ARHGAP40: variants seen among roughly 807,000 people sequenced by gnomAD.
The protein encoded by ARHGAP40 is rho GTPase-activating protein 40.
ARHGAP40 carries 43 observed loss-of-function variants against 73.5 expected under a neutral mutation model. The ratio of observed to expected loss-of-function variants is 0.58; its 90% CI spans 0.46 to 0.75. ARHGAP40 has a LOEUF of 0.75. ARHGAP40 is among the 30% of genes least tolerant of loss of function. ARHGAP40 has a pLI of 0.00. For synonymous variants in ARHGAP40, 300 were observed against 352.8 expected, an observed-to-expected ratio of 0.85 and a Z score of 1.68; for missense variants, 734 against 861.8, an observed-to-expected ratio of 0.85 and a Z score of 1.86.
At chr20:38,602,831 T>C (rs2088743178) in intron 1 of ARHGAP40, among the ~76,000 whole-genome samples, 1 of 152,228 alleles carries the variant, frequency 6.6e-6, no homozygotes, top group Non-Finnish European at 1.5e-5. Context: ...GTCAGTAACA[T>C]AAAGATCCAA....
intron 5 of ARHGAP40, among the ~76,000 whole-genome samples, chr20:38,630,279 G>C (rs1480860970): frequency 1.3e-5 from 2 of 150,324 alleles, no homozygotes; most frequent in African/African-American, 2.5e-5. Flanking sequence ...GAGTGCAGTG[G>C]TACCATCCCA....
exon 1 of ARHGAP40, chr20:38,601,863 T>G (rs1601128516): frequency 7.8e-7 from 1 of 1,278,408 alleles, no homozygotes; most frequent in East Asian, 5.6e-5. Flanking sequence ...CCTACCTCAC[T>G]CCTCCCTCTC....
intron 1 of ARHGAP40, among the ~76,000 whole-genome samples, chr20:38,606,168 A>G (rs2088769639): frequency 6.6e-6 from 1 of 152,128 alleles, no homozygotes; most frequent in Non-Finnish European, 1.5e-5. Flanking sequence ...CCCTTACGTT[A>G]TCCTCTTTAA....
At chr20:38,624,399 G>A (rs949572115) in intron 2 of ARHGAP40, among the ~76,000 whole-genome samples, 3 of 152,140 alleles carry the variant, frequency 2.0e-5, no homozygotes, top group African/African-American at 7.2e-5. Context: ...GCTGCATTCT[G>A]TTACCCTGCA....
intron 2 of ARHGAP40, among the ~76,000 whole-genome samples, chr20:38,625,141 G>A (rs2088892226): frequency 6.6e-6 from 1 of 152,250 alleles, no homozygotes; most frequent in Non-Finnish European, 1.5e-5. Flanking sequence ...CTCATGCAGT[G>A]CCTCCAAGTG....
intron 1 of ARHGAP40, among the ~76,000 whole-genome samples, chr20:38,604,026 G>A (rs1321491276): frequency 6.6e-6 from 1 of 152,182 alleles, no homozygotes; most frequent in Non-Finnish European, 1.5e-5. Context: ...GAGTCCCTTT[G>A]CCTGATAACA....
intron 5 of ARHGAP40, among the ~76,000 whole-genome samples, chr20:38,632,496 C>T (rs1391302730): frequency 2.0e-5 from 3 of 151,526 alleles, no homozygotes; most frequent in South Asian, 2.1e-4. Flanking sequence ...CTCCTGACTT[C>T]GTGATCCGCC....
chr20:38,616,535 T>C (rs1450456419), intron 1 of ARHGAP40, among the ~76,000 whole-genome samples: 2 of 152,216 alleles, frequency 1.3e-5, no homozygotes, highest in African/African-American at 4.8e-5. Flanking sequence ...AAGACCGTTG[T>C]ACAAGCGGCT....
At position 38,623,570 on chromosome 20, in the gene ARHGAP40, T is replaced by A. The variant is rs2088885098; in HGVS notation, c.337+12T>A. 7.8e-7 allele frequency: 1 copy of A among 1,282,554 alleles called. No individual in the cohort carries two copies. The highest frequency in any genetic ancestry group is 1.3e-5 in the South Asian group (1 of 79,504). The allele number at this position is 1,282,554 out of a possible 1,614,324, so 79.4% of individuals were successfully genotyped here. On this transcript the variant is annotated intron_variant, in intron 2 of 14. Coordinates refer to ENST00000373345, the Ensembl canonical transcript of ARHGAP40. ...CCAGCTTCCAGAGGGTGAGAGACCC[T>A]GGCGGGGGCCTATAGGGGTGGTGGG...
At position 38,641,079 on chromosome 20, in the gene ARHGAP40, A is replaced by AGGAG. The variant is rs148784970; in HGVS notation, c.1280-629_1280-626dup. Reference sequence around the variant, plus strand: ...ATAAGTGAGAGAAGGAAAGAAGGGAAGGAGGGAGGGAGGGAGGGAGGAAGG... The same window carrying AGGAG: ...ATAAGTGAGAGAAGGAAAGAAGGGAAGGAGGGAGGGAGGGAGGGAGGGAGGAAGG... On this transcript the variant is annotated intron_variant, in intron 9 of 14. Coordinates refer to ENST00000373345, the Ensembl canonical transcript of ARHGAP40. Among the ~76,000 whole-genome samples, 15 of 143,446 alleles carry AGGAG rather than the reference A, an allele frequency of 1.0e-4. No individual in the cohort carries two copies. The South Asian group carries it at 2.2e-3, about 21-fold the overall frequency. 94.1% of individuals were successfully genotyped at this position (143,446 alleles called of 152,430 possible).
At chr20:38,633,673 C>T (rs1232168334) in intron 5 of ARHGAP40, among the ~76,000 whole-genome samples, 1 of 152,232 alleles carries the variant, frequency 6.6e-6, no homozygotes, top group Non-Finnish European at 1.5e-5. Flanking sequence ...TCCCTTTGAG[C>T]ACTCGAAAGG....
In ARHGAP40 at chr20:38,630,946, G is replaced by C. The variant is rs140374954; in HGVS notation, c.783+1296G>C. ...AATCTTAGGTAACATTTTACTGAGG[G>C]CTGCCCTGGCCCAGGGCATTGTTCC... On this transcript the variant is annotated intron_variant, in intron 5 of 14. Transcript: ENST00000373345. Among the ~76,000 whole-genome samples the C allele has an allele frequency of 3.2e-3, 488 of 152,260 alleles. 5 individuals are homozygous for C. The highest frequency in any genetic ancestry group is 0.011 in the African/African-American group (472 of 41,548).
chr20:38,615,099 C>T (rs1272530869), intron 1 of ARHGAP40: 19 of 939,584 alleles, frequency 2.0e-5, no homozygotes, highest in South Asian at 1.4e-4. Flanking sequence ...TTTGGCTATA[C>T]GAGTGTCCCA....
At chr20:38,631,767 A>G (rs992674857) in intron 5 of ARHGAP40, among the ~76,000 whole-genome samples, 5 of 152,180 alleles carry the variant, frequency 3.3e-5, no homozygotes, top group African/African-American at 1.2e-4. Flanking sequence ...TCTACTGCTT[A>G]GGAAACCAAC....
rs555023341 is a variant in ARHGAP40 at position 38,638,159 on chromosome 20, A to C, written c.1041+360A>C. On this transcript the variant is annotated intron_variant, in intron 7 of 14. Transcript: ENST00000373345. The stretch of plus-strand genomic sequence containing the variant: ...CCCATCTCTACTAAAAATACAAAAA[A>C]AAAAAATTAGCCGGGTGTAGTGGCG... Among the ~76,000 whole-genome samples the C allele has an allele frequency of 2.6e-5, 4 of 151,452 alleles. No individual in the cohort carries two copies. In the South Asian group the frequency reaches 8.4e-4, roughly 32 times the overall value.
exon 3 of ARHGAP40, chr20:38,627,065 T>C (rs1377836725): frequency 3.8e-6 from 5 of 1,305,334 alleles, no homozygotes; most frequent in Non-Finnish European, 5.1e-6. Flanking sequence ...TGGGCTTGGA[T>C]GGTGATCACC....
At position 38,649,743 on chromosome 20, in the gene ARHGAP40, CCTT is replaced by C; in HGVS notation, c.1937-9_1937-7del. On this transcript the variant is annotated splice_polypyrimidine_tract_variant and intron_variant, in intron 14 of 14. Coordinates refer to ENST00000373345, the Ensembl canonical transcript of ARHGAP40. Reference sequence around the variant, plus strand: ...AGCCTCCCACTCAACCTCCTTCACCCCTTCTTCCCACAGATGAGCATCGCCTGG... The same window carrying C: ...AGCCTCCCACTCAACCTCCTTCACCCCTTCCCACAGATGAGCATCGCCTGG... 4 of 1,302,906 alleles carry C rather than the reference CCTT, an allele frequency of 3.1e-6. No homozygotes were observed. Among genetic ancestry groups the C allele is most frequent in the Non-Finnish European group, 4.1e-6 (4 of 986,796 alleles). 80.7% of individuals were successfully genotyped at this position (1,302,906 alleles called of 1,614,324 possible).
At chr20:38,602,625 G>T (rs190370937) in intron 1 of ARHGAP40, among the ~76,000 whole-genome samples, 1 of 152,190 alleles carries the variant, frequency 6.6e-6, no homozygotes. Context: ...AACAGTGCAG[G>T]AATACTGTAC....
chr20:38,627,431 T>TG (rs1463776475), intron 3 of ARHGAP40, among the ~76,000 whole-genome samples: 123 of 133,556 alleles, frequency 9.2e-4, no homozygotes, highest in Non-Finnish European at 1.7e-3. Flanking sequence ...GTGTGTGTGT[T>TG]GTCTGTGTTG....
Sources: gnomAD v4.1 joint callset for allele counts (sites outside exome capture counted in the v4.1 genomes callset) on GRCh38, gnomAD v4.1.1 for gene constraint, MANE v1.5 for transcripts, NCBI Gene and HGNC (gene_info 2026-07-23, HGNC 2026-07-21) for gene names.